The following LRFN5 variants were observed in gnomAD, a reference collection of about 807,000 sequenced individuals.
LRFN5 encodes the protein leucine rich repeat and fibronectin type III domain containing 5.
LRFN5 carries 24 observed loss-of-function variants against 45.6 expected under a neutral mutation model. The observed-to-expected ratio is 0.53, with a 90% confidence interval of 0.38 to 0.74. The LOEUF is 0.74. Among genes scored for constraint, LRFN5 ranks in the 30% least tolerant of loss-of-function variants. The pLI is 0.00. For missense variants in LRFN5, 776 were observed against 861.5 expected, an observed-to-expected ratio of 0.90 and a Z score of 1.24; for synonymous variants, 340 against 313.8, an observed-to-expected ratio of 1.08 and a Z score of -0.88.
chr14:41,789,498 A>T (rs1239623008), intron 2 of LRFN5, among the ~76,000 whole-genome samples: 1 of 151,954 alleles, frequency 6.6e-6, no homozygotes, highest in African/African-American at 2.4e-5. Flanking sequence ...TTTGAGGACT[A>T]GCTTATTTGT....
At chr14:41,690,023 T>C (rs1250513733) in intron 1 of LRFN5, among the ~76,000 whole-genome samples, 1 of 151,330 alleles carries the variant, frequency 6.6e-6, no homozygotes, top group Non-Finnish European at 1.5e-5. Context: ...CTTTTCAAAA[T>C]AGGATGCCAG....
chr14:41,673,400 G>A (rs1348486021), intron 1 of LRFN5, among the ~76,000 whole-genome samples: 6 of 114,706 alleles, frequency 5.2e-5, no homozygotes, highest in South Asian at 2.9e-4. Context: ...GGGCTGACCC[G>A]CCCCCCACCT....
intron 1 of LRFN5, among the ~76,000 whole-genome samples, chr14:41,761,716 T>C (rs543180484): frequency 8.5e-4 from 130 of 152,284 alleles, no homozygotes; most frequent in African/African-American, 3.0e-3. Context: ...GAATTTCTGA[T>C]AAATATCAAG....
chr14:41,792,368 A>C (rs1594713395), intron 2 of LRFN5, among the ~76,000 whole-genome samples: 1 of 152,032 alleles, frequency 6.6e-6, no homozygotes, highest in African/African-American at 2.4e-5. Context: ...AACAGGTTCG[A>C]GAGCAGAGAA....
intron 3 of LRFN5, among the ~76,000 whole-genome samples, chr14:41,889,597 C>A (rs552629920): frequency 6.6e-6 from 1 of 152,112 alleles, no homozygotes; most frequent in Non-Finnish European, 1.5e-5. Flanking sequence ...ATTCCAGGAT[C>A]TTAATCCTGC....
At chr14:41,673,651 GCAGC>G (rs1881378262) in intron 1 of LRFN5, among the ~76,000 whole-genome samples, 1 of 147,710 alleles carries the variant, frequency 6.8e-6, no homozygotes, top group Non-Finnish European at 1.5e-5. Flanking sequence ...CCCGGACGGG[GCAGC>G]TGGCCGGGCA....
intron 2 of LRFN5, among the ~76,000 whole-genome samples, chr14:41,773,418 G>A (rs1374431380): frequency 6.6e-6 from 1 of 151,952 alleles, no homozygotes; most frequent in Non-Finnish European, 1.5e-5. Flanking sequence ...TTCTTTAGTT[G>A]TTTGATTAAT....
intron 5 of LRFN5, among the ~76,000 whole-genome samples, chr14:41,903,884 T>C (rs1891170997): frequency 6.6e-6 from 1 of 152,068 alleles, no homozygotes; most frequent in Non-Finnish European, 1.5e-5. Context: ...GCTTTGACTT[T>C]ACATAATTAT....
intron 1 of LRFN5, among the ~76,000 whole-genome samples, chr14:41,759,767 G>C (rs1051314635): frequency 1.3e-5 from 2 of 152,176 alleles, no homozygotes; most frequent in African/African-American, 4.8e-5. Flanking sequence ...TTTTCTGTGA[G>C]ACACACTGTA....
chr14:41,818,023 A>T (rs1594436621), intron 2 of LRFN5, among the ~76,000 whole-genome samples: 2 of 152,054 alleles, frequency 1.3e-5, no homozygotes, highest in African/African-American at 4.8e-5. Flanking sequence ...ATTTTAATGT[A>T]TTTCCTCTAT....
At chr14:41,840,497 A>T (rs1357951099) in intron 2 of LRFN5, among the ~76,000 whole-genome samples, 3 of 152,088 alleles carry the variant, frequency 2.0e-5, no homozygotes, top group African/African-American at 4.8e-5. Context: ...TATGCACAAA[A>T]CATCAAAATT....
chr14:41,724,895 T>C (rs1002810424), intron 1 of LRFN5, among the ~76,000 whole-genome samples: 2 of 152,222 alleles, frequency 1.3e-5, no homozygotes, highest in African/African-American at 4.8e-5. Context: ...GGTAATCGGT[T>C]ACTACCTTTC....
At chr14:41,806,815 T>C (rs1887541540) in intron 2 of LRFN5, among the ~76,000 whole-genome samples, 1 of 152,210 alleles carries the variant, frequency 6.6e-6, no homozygotes, top group Non-Finnish European at 1.5e-5. Flanking sequence ...ATCTCACTGA[T>C]GAAGACGTCT....
chr14:41,695,025 T>C (rs954840981), intron 1 of LRFN5, among the ~76,000 whole-genome samples: 1 of 151,916 alleles, frequency 6.6e-6, no homozygotes, highest in Non-Finnish European at 1.5e-5. Flanking sequence ...ACAAAAGTTA[T>C]TGAAGGAAAT....
chr14:41,855,899 A>C (rs1441645172), intron 2 of LRFN5, among the ~76,000 whole-genome samples: 1 of 152,230 alleles, frequency 6.6e-6, no homozygotes, highest in Non-Finnish European at 1.5e-5. Context: ...GTTAGTATAC[A>C]TATATTAGTG....
chr14:41,805,305 T>C (rs1008585863), intron 2 of LRFN5, among the ~76,000 whole-genome samples: 3 of 151,054 alleles, frequency 2.0e-5, no homozygotes, highest in South Asian at 4.2e-4. Flanking sequence ...GAATAAAATA[T>C]AGAAGAACAA....
intron 2 of LRFN5, among the ~76,000 whole-genome samples, chr14:41,836,433 G>A (rs565618694): frequency 6.6e-6 from 1 of 152,140 alleles, no homozygotes; most frequent in South Asian, 2.1e-4. Context: ...GTATGTTTGG[G>A]CATATGCATG....
chr14:41,795,188 G>T (rs1002375883), intron 2 of LRFN5, among the ~76,000 whole-genome samples: 1 of 151,906 alleles, frequency 6.6e-6, no homozygotes, highest in Non-Finnish European at 1.5e-5. Flanking sequence ...GCTCATCATC[G>T]CTGGCCATCT....
intron 2 of LRFN5, among the ~76,000 whole-genome samples, chr14:41,791,955 T>C (rs867453647): frequency 4.6e-5 from 7 of 152,218 alleles, no homozygotes; most frequent in Middle Eastern, 3.4e-3. Context: ...TGAATAACAA[T>C]TTATTATGCT....
Sources: allele counts gnomAD v4.1 joint callset (sites outside exome capture counted in the v4.1 genomes callset), GRCh38; gene constraint gnomAD v4.1.1; transcripts MANE v1.5; gene names NCBI Gene and HGNC (gene_info 2026-07-23, HGNC 2026-07-21).